Variants in TSPEAR observed in about 807,000 individuals in gnomAD.
TSPEAR encodes the protein thrombospondin-type laminin G domain and EAR repeat-containing protein.
In TSPEAR, 69 loss-of-function variants were observed where a neutral mutation model predicts 71.6. The ratio of observed to expected loss-of-function variants is 0.96; its 90% CI spans 0.79 to 1.18. TSPEAR has a LOEUF of 1.18. Ranked by LOEUF, TSPEAR falls within the 50% of genes most tolerant of loss-of-function variation. The pLI, the probability that TSPEAR is intolerant of heterozygous loss-of-function variation, is 0.00. For synonymous variants in TSPEAR, 402 were observed against 387.2 expected, an observed-to-expected ratio of 1.04 and a Z score of -0.45; for missense variants, 971 against 894.9, an observed-to-expected ratio of 1.09 and a Z score of -1.09.
rs544529045 is a variant in TSPEAR, at chr21:44,710,501, C to G, written c.82+932G>C. Among the ~76,000 whole-genome samples the G allele has an allele frequency of 1.3e-5, 2 of 151,028 alleles. No homozygotes were observed. Among genetic ancestry groups the G allele is most frequent in the South Asian group, 2.1e-4 (1 of 4,700 alleles). On this transcript the variant is annotated intron_variant, in intron 1 of 11. Coordinates refer to ENST00000323084, the MANE Select transcript of TSPEAR (RefSeq NM_144991.3). The surrounding 1 kb of genome is among the most constrained non-coding windows in gnomAD (Gnocchi z 4.6). ...CATCCCCTGGTCATGTCATCGGGAT[C>G]TGAGTGCCATCCGAGCAGAGAGCTG...
intron 1 of TSPEAR, among the ~76,000 whole-genome samples, chr21:44,617,273 C>G (rs1982165598): frequency 2.0e-5 from 3 of 152,262 alleles, no homozygotes; most frequent in African/African-American, 7.2e-5. Flanking sequence ...GGGAGTTCTA[C>G]TCAGGGACAG....
Position 44,529,970 on chromosome 21 carries a change from C to T in TSPEAR, c.634-16G>A, listed in dbSNP as rs1555915550. ...TCACCAGTCCCTGCAGAGAGAGGGA[C>T]AGCTCCTTCAGGCCCGCGCTGCTGG... is the stretch of plus-strand genomic sequence containing the variant. On this transcript the variant is annotated splice_polypyrimidine_tract_variant and intron_variant, in intron 4 of 11. Coordinates refer to ENST00000323084, the MANE Select transcript of TSPEAR (RefSeq NM_144991.3). 1.9e-6 allele frequency: 3 copies of T among 1,571,234 alleles called. No homozygotes were observed. Among genetic ancestry groups the T allele is most frequent in the Non-Finnish European group, 1.7e-6 (2 of 1,164,720 alleles).
Position 44,672,551 on chromosome 21 carries a change from T to C in TSPEAR, c.82+38882A>G, listed in dbSNP as rs368548011. On this transcript the variant is annotated intron_variant, in intron 1 of 11. Transcript: ENST00000323084. ...CGCCACTGCACTGCAGGCTGGGCGA[T>C]AGAGCAAAACTCCGTCTCAAAACAA... 1.9e-3 allele frequency among the ~76,000 whole-genome samples: 281 copies of C among 148,940 alleles called. 1 individual carries two copies. Among genetic ancestry groups the C allele is most frequent in the African/African-American group, 6.8e-3 (275 of 40,156 alleles).
rs115102573 is a variant in TSPEAR, at chr21:44,546,961, C to T, written c.304-13038G>A. Among the ~76,000 whole-genome samples the T allele has an allele frequency of 0.01, 1,535 of 152,262 alleles. 21 individuals carry two copies. The highest frequency in any genetic ancestry group is 0.035 in the African/African-American group (1,459 of 41,542). ...ATTATTTCTTCAATTATTTTTTCTG[C>T]TCCCCCTGTCTCCCCTCCATCTGGA... is the stretch of plus-strand genomic sequence containing the variant. On this transcript the variant is annotated intron_variant, in intron 2 of 11. Coordinates refer to ENST00000323084, the MANE Select transcript of TSPEAR (RefSeq NM_144991.3). The surrounding 1 kb of genome is among the most constrained non-coding windows in gnomAD (Gnocchi z 4.4).
intron 1 of TSPEAR, among the ~76,000 whole-genome samples, chr21:44,613,809 C>T (rs1441470291): frequency 6.6e-6 from 1 of 151,846 alleles, no homozygotes; most frequent in Non-Finnish European, 1.5e-5. Flanking sequence ...CCCCAAGGCC[C>T]GCCGCCCCTG....
chr21:44,637,382 C>G, intron 1 of TSPEAR: 3 of 1,582,726 alleles, frequency 1.9e-6, no homozygotes, highest in Non-Finnish European at 2.6e-6. Context: ...CACTCACTCA[C>G]ACACCTCCCC....
chr21:44,592,649 G>T lies in TSPEAR; in HGVS notation c.83-24644C>A, dbSNP rs1028349234. The T allele has an allele frequency of 5.4e-6, 6 of 1,103,362 alleles. No individual in the cohort carries two copies. In the Admixed American group the frequency reaches 1.4e-4, roughly 26 times the overall value. 68.3% of individuals were successfully genotyped at this position (1,103,362 alleles called of 1,614,324 possible). A position where few individuals can be genotyped will look rare whatever the true frequency, so the allele number is the denominator to read the frequency against. ...TTAGGGGTGTTTGTTCGCCCGTGATGTGGGCCAGCTCATAAATCTCCCATC... is the reference window on the plus strand; with the variant it reads ...TTAGGGGTGTTTGTTCGCCCGTGATTTGGGCCAGCTCATAAATCTCCCATC... On this transcript the variant is annotated intron_variant, in intron 1 of 11. Transcript: ENST00000323084.
At chr21:44,564,054 A>C (rs1157890635) in intron 2 of TSPEAR, among the ~76,000 whole-genome samples, 1 of 22,366 alleles carries the variant, frequency 4.5e-5, no homozygotes, top group African/African-American at 1.1e-4. Context: ...TAAGTAGATT[A>C]CAAAAAAAAA....
chr21:44,702,880 G>GT, intron 1 of TSPEAR: 5 of 714,730 alleles, frequency 7.0e-6, no homozygotes, highest in Non-Finnish European at 1.2e-5. Context: ...ACACGCACTA[G>GT]TACACACCGC....
chr21:44,695,886 G>C lies in TSPEAR; in HGVS notation c.82+15547C>G, dbSNP rs1987311926. Among the ~76,000 whole-genome samples, 1 of 152,104 alleles carries C rather than the reference G, an allele frequency of 6.6e-6. No individual in the cohort carries two copies. Among genetic ancestry groups the C allele is most frequent in the Non-Finnish European group, 1.5e-5 (1 of 68,024 alleles). ...CTCGAGCCCTCACCTGCTGGTCACT[G>C]CCTGTGGGCCTGAAGCCCTCCAACT... On this transcript the variant is annotated intron_variant, in intron 1 of 11. Transcript: ENST00000323084. This position sits in a 1 kb window ranked among gnomAD's most constrained non-coding sequence, Gnocchi z 4.5.
chr21:44,588,777 A>G (rs1477421473), intron 1 of TSPEAR, among the ~76,000 whole-genome samples: 1 of 108,856 alleles, frequency 9.2e-6, no homozygotes, highest in African/African-American at 3.0e-5. Context: ...ATATATATGT[A>G]TGTGTGTGTG....
At chr21:44,706,917 G>A (rs1353459838) in intron 1 of TSPEAR, among the ~76,000 whole-genome samples, 1 of 152,200 alleles carries the variant, frequency 6.6e-6, no homozygotes, top group East Asian at 1.9e-4. Flanking sequence ...GGTGTGGGAT[G>A]AAAAGTGAGC....
At chr21:44,543,750 G>A (rs188790360) in intron 2 of TSPEAR, among the ~76,000 whole-genome samples, 28 of 152,344 alleles carry the variant, frequency 1.8e-4, no homozygotes, top group African/African-American at 4.3e-4. Flanking sequence ...GAAGCTAGAA[G>A]GAGCAAGGGC....
chr21:44,553,924 A>C (rs587747826), intron 2 of TSPEAR, among the ~76,000 whole-genome samples: 1 of 152,284 alleles, frequency 6.6e-6, no homozygotes, highest in South Asian at 2.1e-4. Context: ...CCTTTTTTCA[A>C]ATTATTACAT....
In TSPEAR at chr21:44,642,546, A is replaced by C. The variant is rs1342230464; in HGVS notation, c.82+68887T>G. Among the ~76,000 whole-genome samples the C allele has an allele frequency of 6.6e-6, 1 of 152,230 alleles. No individual in the cohort carries two copies. Among genetic ancestry groups the C allele is most frequent in the Non-Finnish European group, 1.5e-5 (1 of 68,044 alleles). On this transcript the variant is annotated intron_variant, in intron 1 of 11. Coordinates refer to ENST00000323084, the MANE Select transcript of TSPEAR (RefSeq NM_144991.3). The surrounding 1 kb of genome is among the most constrained non-coding windows in gnomAD (Gnocchi z 4.1). The stretch of plus-strand genomic sequence containing the variant: ...ATGGGAAATAGTACGGAAGTTCCTC[A>C]AAAAATTAAAAATGGGGCCGGGCGC...
Position 44,642,122 on chromosome 21 carries a change from C to T in TSPEAR, c.82+69311G>A, listed in dbSNP as rs1555938667. Among the ~76,000 whole-genome samples, 1 of 152,018 alleles carries T rather than the reference C, an allele frequency of 6.6e-6. No individual in the cohort carries two copies. Among genetic ancestry groups the T allele is most frequent in the Non-Finnish European group, 1.5e-5 (1 of 67,990 alleles). On this transcript the variant is annotated intron_variant, in intron 1 of 11. Coordinates refer to ENST00000323084, the MANE Select transcript of TSPEAR (RefSeq NM_144991.3). The surrounding 1 kb of genome is among the most constrained non-coding windows in gnomAD (Gnocchi z 4.1). The stretch of plus-strand genomic sequence containing the variant: ...AGAAAATAGTATGGGTATATTTATC[C>T]TAAAATTTGGAAATATAAATTAAAT...
chr21:44,659,742 C>T (rs913580236), intron 1 of TSPEAR, among the ~76,000 whole-genome samples: 26 of 152,164 alleles, frequency 1.7e-4, no homozygotes, highest in African/African-American at 6.0e-4. Context: ...GCTGAGATTG[C>T]ACCACTGCAC....
chr21:44,505,182 G>A (rs1356572452), intron 10 of TSPEAR, among the ~76,000 whole-genome samples: 1 of 152,096 alleles, frequency 6.6e-6, no homozygotes, highest in South Asian at 2.1e-4. Flanking sequence ...GGATTCAAGC[G>A]ATTCTCCTGC....
intron 5 of TSPEAR, among the ~76,000 whole-genome samples, chr21:44,529,535 C>T (rs2052924357): frequency 6.6e-6 from 1 of 152,156 alleles, no homozygotes; most frequent in Admixed American, 6.5e-5. Context: ...CCTGGGGTCC[C>T]CAGGAAGGGG....
Sources: gnomAD v4.1 joint callset for allele counts (sites outside exome capture counted in the v4.1 genomes callset) on GRCh38, gnomAD v4.1.1 for gene constraint, Gnocchi (gnomAD v3.1) non-coding constraint, MANE v1.5 for transcripts, NCBI Gene and HGNC (gene_info 2026-07-23, HGNC 2026-07-21) for gene names.